The following ABHD12 variants were observed in gnomAD, a reference collection of about 807,000 sequenced individuals.
The protein encoded by ABHD12 is lysophosphatidylserine lipase ABHD12.
In ABHD12, 43 loss-of-function variants were observed where a neutral mutation model predicts 58.3. That is an observed-to-expected ratio of 0.74 (90% CI 0.58 to 0.95). ABHD12 has a LOEUF of 0.95. ABHD12 is among the 40% of genes least tolerant of loss of function. The pLI is 0.00. For synonymous variants in ABHD12, 219 were observed against 211.2 expected (o/e 1.04, Z -0.32); for missense variants, 539 against 537.2 (o/e 1.00, Z -0.03).
intron 1 of ABHD12, among the ~76,000 whole-genome samples, chr20:25,348,812 G>A (rs923138425): frequency 6.6e-6 from 1 of 152,106 alleles, no homozygotes; most frequent in African/African-American, 2.4e-5. Context: ...GGCGGTTGCG[G>A]TGGCTCACGT....
intron 1 of ABHD12, chr20:25,390,250 G>T: frequency 2.8e-6 from 1 of 359,586 alleles, no homozygotes; most frequent in South Asian, 7.7e-5. Context: ...GGCTAGGCCA[G>T]GAGTGCCTGG....
At chr20:25,324,276 C>T (rs924727928) in intron 2 of ABHD12, among the ~76,000 whole-genome samples, 2 of 152,180 alleles carry the variant, frequency 1.3e-5, no homozygotes, top group Admixed American at 6.5e-5. Context: ...GAAACACGAC[C>T]TCCACATGTG....
rs576215687 is a variant in ABHD12, at chr20:25,360,227, C to CTTTTTTTTTTTTTTTTTTTTTTT, written c.192-20899_192-20877dup. On this transcript the variant is annotated intron_variant, in intron 1 of 12. Transcript: ENST00000339157. Reference sequence around the variant, plus strand: ...TTAAATTGCCACCTTGAACACGTTACTTTTTTTTTTTTTTTTTTTTTTTTT... The same window carrying CTTTTTTTTTTTTTTTTTTTTTTT: ...TTAAATTGCCACCTTGAACACGTTACTTTTTTTTTTTTTTTTTTTTTTTTTTTTTTTTTTTTTTTTTTTTTTTT... Among the ~76,000 whole-genome samples, 6 of 37,392 alleles carry CTTTTTTTTTTTTTTTTTTTTTTT rather than the reference C, an allele frequency of 1.6e-4. 1 individual carries two copies. The highest frequency in any genetic ancestry group is 2.4e-4 in the Non-Finnish European group (5 of 21,060). The allele number at this position is 37,392 out of a possible 152,430, so 24.5% of individuals were successfully genotyped here. A position where few individuals can be genotyped will look rare whatever the true frequency, so the allele number is the denominator to read the frequency against.
Position 25,329,938 on chromosome 20 carries a change from T to C in ABHD12, c.317-6508A>G, listed in dbSNP as rs372982232. On this transcript the variant is annotated intron_variant, in intron 2 of 12. Coordinates refer to ENST00000339157, the MANE Select transcript of ABHD12 (RefSeq NM_001042472.3). The stretch of plus-strand genomic sequence containing the variant: ...GCCCTTTGCTTTAAAAACAAATGCA[T>C]GGAATTGTGTTGAGGGAGGAGCCAA... Among the ~76,000 whole-genome samples the C allele has an allele frequency of 1.9e-4, 29 of 152,142 alleles. No individual in the cohort carries two copies. The East Asian group carries it at 5.0e-3, about 26-fold the overall frequency.
At chr20:25,388,967 C>T (rs1031997416) in intron 1 of ABHD12, among the ~76,000 whole-genome samples, 15 of 151,696 alleles carry the variant, frequency 9.9e-5, no homozygotes, top group African/African-American at 3.4e-4. Context: ...CCACCACGCC[C>T]GGCTAATTTT....
At chr20:25,370,467 G>T (rs2089886238) in intron 1 of ABHD12, among the ~76,000 whole-genome samples, 1 of 152,232 alleles carries the variant, frequency 6.6e-6, no homozygotes. Flanking sequence ...TGCTGTCAGA[G>T]AAGGAAAGCA....
chr20:25,319,374 C>G (rs548557758), intron 4 of ABHD12, among the ~76,000 whole-genome samples: 3 of 152,362 alleles, frequency 2.0e-5, no homozygotes, highest in Middle Eastern at 3.4e-3. Flanking sequence ...GGCTGATTAA[C>G]CAAAGAGTGC....
At chr20:25,311,163 C>T (rs1040949003) in intron 6 of ABHD12, among the ~76,000 whole-genome samples, 4 of 152,172 alleles carry the variant, frequency 2.6e-5, no homozygotes, top group Non-Finnish European at 5.9e-5. Context: ...CTTGTGAACG[C>T]GTTGGGTCAC....
intron 1 of ABHD12, among the ~76,000 whole-genome samples, chr20:25,345,118 C>T (rs1171532037): frequency 6.6e-6 from 1 of 151,150 alleles, no homozygotes; most frequent in Non-Finnish European, 1.5e-5. Flanking sequence ...TGGAGTCTCG[C>T]TCTGTCACCC....
intron 1 of ABHD12, among the ~76,000 whole-genome samples, chr20:25,388,208 A>T (rs1023838912): frequency 6.6e-6 from 1 of 152,204 alleles, no homozygotes; most frequent in South Asian, 2.1e-4. Context: ...TAAAGAGTTT[A>T]AAAAATGTGC....
chr20:25,389,445 C>T (rs1377435618), intron 1 of ABHD12, among the ~76,000 whole-genome samples: 1 of 152,142 alleles, frequency 6.6e-6, no homozygotes, highest in Admixed American at 6.5e-5. Flanking sequence ...CAACTAAGGG[C>T]ATTCCAGATG....
At chr20:25,326,766 G>GTA (rs2089183674) in intron 2 of ABHD12, among the ~76,000 whole-genome samples, 1 of 151,710 alleles carries the variant, frequency 6.6e-6, no homozygotes, top group African/African-American at 2.4e-5. Flanking sequence ...AACAACTATG[G>GTA]TATACCTGTT....
intron 1 of ABHD12, among the ~76,000 whole-genome samples, chr20:25,380,232 C>G (rs2090006395): frequency 6.6e-6 from 1 of 152,114 alleles, no homozygotes; most frequent in Non-Finnish European, 1.5e-5. Flanking sequence ...ACTTCTGGAA[C>G]ACATGGAATA....
intron 1 of ABHD12, among the ~76,000 whole-genome samples, chr20:25,369,612 T>C (rs2089871674): frequency 6.6e-6 from 1 of 152,164 alleles, no homozygotes; most frequent in African/African-American, 2.4e-5. Flanking sequence ...TCCATTCAGA[T>C]TGTGAGACCG....
At chr20:25,373,828 T>C (rs897538364) in intron 1 of ABHD12, among the ~76,000 whole-genome samples, 1 of 152,222 alleles carries the variant, frequency 6.6e-6, no homozygotes, top group Non-Finnish European at 1.5e-5. Flanking sequence ...CTGGCCACTA[T>C]TTCTTCAAAT....
chr20:25,369,949 A>AAAT (rs2089878626), intron 1 of ABHD12, among the ~76,000 whole-genome samples: 3 of 145,198 alleles, frequency 2.1e-5, no homozygotes, highest in Non-Finnish European at 4.5e-5. Context: ...AAAAAAAAAA[A>AAAT]GCCCTTTGTA....
intron 1 of ABHD12, among the ~76,000 whole-genome samples, chr20:25,360,662 G>C (rs961059741): frequency 6.6e-6 from 1 of 152,176 alleles, no homozygotes; most frequent in African/African-American, 2.4e-5. Context: ...CAGAATGAGA[G>C]GAGAGACACC....
chr20:25,337,353 T>C (rs1345733683), intron 2 of ABHD12, among the ~76,000 whole-genome samples: 2 of 152,220 alleles, frequency 1.3e-5, no homozygotes, highest in Admixed American at 1.3e-4. Context: ...TCGTTAAGGA[T>C]GGGCAACACC....
Position 25,303,622 on chromosome 20 carries a change from C to T in ABHD12, c.957G>A (p.Lys319=), listed in dbSNP as rs1327203909. Residue 319 remains lysine, a synonymous_variant, in exon 11 of 13, where the codon AAG becomes AAA. Coordinates refer to ENST00000339157, the MANE Select transcript of ABHD12 (RefSeq NM_001042472.3). The part of the protein sequence containing the change: ...GIKFANDENV[K]HISCPLLILH... ...GGATGAGCAGGGGACAGGAGATGTG[C>T]TTCACGCTGTAGGAGGGAGAAGGGG... is the stretch of plus-strand genomic sequence containing the variant. 6.2e-7 allele frequency: 1 copy of T among 1,613,690 alleles called. No individual in the cohort carries two copies. The highest frequency in any genetic ancestry group is 1.7e-5 in the Admixed American group (1 of 60,022).
Sources: allele counts gnomAD v4.1 joint callset (sites outside exome capture counted in the v4.1 genomes callset), GRCh38; gene constraint gnomAD v4.1.1; transcripts MANE v1.5; gene names NCBI Gene and HGNC (gene_info 2026-07-23, HGNC 2026-07-21).